The following GRID2 variants were observed in gnomAD, a reference collection of about 807,000 sequenced individuals.
GRID2 encodes glutamate ionotropic receptor delta type subunit 2.
In GRID2, 33 loss-of-function variants were observed where a neutral mutation model predicts 114.8. The ratio of observed to expected loss-of-function variants is 0.29; its 90% confidence interval spans 0.22 to 0.38. The LOEUF (loss-of-function observed/expected upper bound fraction) is 0.38, where lower values mean the gene tolerates loss of function less well. Among genes scored for constraint, GRID2 ranks in the 10% least tolerant of loss-of-function variants. The pLI is 1.00. For missense variants in GRID2, 1,184 were observed against 1,257.7 expected (o/e 0.94, Z 0.89); for synonymous variants, 505 against 449.9 (o/e 1.12, Z -1.55).
chr4:92,595,459 T>G (rs1728906345), intron 2 of GRID2, among the ~76,000 whole-genome samples: 1 of 152,040 alleles, frequency 6.6e-6, no homozygotes, highest in African/African-American at 2.4e-5. Context: ...AAAAAAGTTG[T>G]AGTTAATAGA....
intron 1 of GRID2, among the ~76,000 whole-genome samples, chr4:92,569,875 G>T (rs964244349): frequency 6.6e-6 from 1 of 152,014 alleles, no homozygotes; most frequent in African/African-American, 2.4e-5. Context: ...TGTCAAATGG[G>T]TAGATTGCAA....
chr4:93,113,008 A>G (rs1190910278), intron 4 of GRID2, among the ~76,000 whole-genome samples: 1 of 152,298 alleles, frequency 6.6e-6, no homozygotes, highest in South Asian at 2.1e-4. Flanking sequence ...TAGGAATTCA[A>G]CATATAAATT....
intron 2 of GRID2, among the ~76,000 whole-genome samples, chr4:92,958,689 G>T (rs920827015): frequency 6.6e-6 from 1 of 152,034 alleles, no homozygotes; most frequent in African/African-American, 2.4e-5. Context: ...TTCATAGAAT[G>T]AGTTAGAAAG....
chr4:93,776,133 G>A (rs1734364494), downstream of GRID2, among the ~76,000 whole-genome samples: 1 of 152,178 alleles, frequency 6.6e-6, no homozygotes, highest in Non-Finnish European at 1.5e-5. Context: ...AAATATAAAT[G>A]TGATGATGAC....
chr4:93,449,961 T>C (rs2149403704), intron 10 of GRID2, among the ~76,000 whole-genome samples: 1 of 152,120 alleles, frequency 6.6e-6, no homozygotes, highest in South Asian at 2.1e-4. Flanking sequence ...TTGCTTCAAT[T>C]GCATAAGACT....
intron 2 of GRID2, among the ~76,000 whole-genome samples, chr4:93,070,121 T>TA (rs147654224): frequency 0.024 from 3,608 of 152,218 alleles, 144 homozygotes; most frequent in African/African-American, 0.082. Context: ...ACAGTCCTTT[T>TA]AAACTTGCAC....
chr4:93,718,783 T>C (rs1450399513), intron 14 of GRID2, among the ~76,000 whole-genome samples: 6 of 152,118 alleles, frequency 3.9e-5, no homozygotes, highest in Admixed American at 3.9e-4. Flanking sequence ...AGTCAAGACA[T>C]TTGAGTTCCG....
At chr4:93,602,649 G>T (rs891152222) in intron 13 of GRID2, among the ~76,000 whole-genome samples, 3 of 152,126 alleles carry the variant, frequency 2.0e-5, no homozygotes, top group African/African-American at 4.8e-5. Context: ...CTGCTTCACC[G>T]ACTGACAGTT....
At chr4:92,987,888 A>G (rs1439002233) in intron 2 of GRID2, among the ~76,000 whole-genome samples, 4 of 152,186 alleles carry the variant, frequency 2.6e-5, no homozygotes, top group Non-Finnish European at 4.4e-5. Flanking sequence ...ATATCTGCTA[A>G]TATCACATAG....
intron 2 of GRID2, among the ~76,000 whole-genome samples, chr4:93,076,120 C>A (rs1729270082): frequency 6.6e-6 from 1 of 151,988 alleles, no homozygotes; most frequent in East Asian, 1.9e-4. Context: ...CCAGGATGGT[C>A]TCGATCTGAC....
At position 93,569,269 on chromosome 4, in the gene GRID2, C is replaced by G. The variant is rs577012104; in HGVS notation, c.2193+53858C>G. The stretch of plus-strand genomic sequence containing the variant: ...CCTTTCATTACTCCCACCACAGTTT[C>G]CTGTGGGAACACTTACTCAATAAAT... On this transcript the variant is annotated intron_variant, in intron 13 of 15. Transcript: ENST00000282020. Among the ~76,000 whole-genome samples the G allele has an allele frequency of 6.6e-5, 10 of 152,278 alleles. 1 individual carries two copies. The South Asian group carries it at 2.1e-3, about 32-fold the overall frequency.
intron 13 of GRID2, among the ~76,000 whole-genome samples, chr4:93,622,340 G>A (rs369560412): frequency 1.6e-4 from 25 of 152,180 alleles, no homozygotes; most frequent in African/African-American, 4.3e-4. Context: ...ATATAAAATT[G>A]TTTCCGATGA....
intron 11 of GRID2, among the ~76,000 whole-genome samples, chr4:93,468,677 G>C (rs1560651825): frequency 6.6e-6 from 1 of 152,060 alleles, no homozygotes; most frequent in Non-Finnish European, 1.5e-5. Context: ...GTTCAGATGA[G>C]ATTGACCTTT....
At position 92,939,031 on chromosome 4, in the gene GRID2, G is replaced by T. The variant is rs1035734324; in HGVS notation, c.245-145964G>T. On this transcript the variant is annotated intron_variant, in intron 2 of 15. Transcript: ENST00000282020. ...ATAGTGCCGCAATAAACATACATGT[G>T]TGGGTGTCTTTATAGCAGCATGATT... Among the ~76,000 whole-genome samples the T allele has an allele frequency of 5.4e-5, 8 of 147,174 alleles. 1 individual carries two copies. The highest frequency in any genetic ancestry group is 9.0e-5 in the Non-Finnish European group (6 of 66,504).
Position 93,453,355 on chromosome 4 carries a change from AGAGAGT to A in GRID2, c.1546-2305_1546-2300del, listed in dbSNP as rs1424799228. On this transcript the variant is annotated intron_variant, in intron 10 of 15. Coordinates refer to ENST00000282020, the MANE Select transcript of GRID2 (RefSeq NM_001510.4). ...GAGAGAGAGAGAGAGAGAGAGAGAG[AGAGAGT>A]GTGTGTATTTGTTAGAAAAAGTTCA... 2.3e-4 allele frequency among the ~76,000 whole-genome samples: 26 copies of A among 112,122 alleles called. 1 individual carries two copies. The South Asian group carries it at 2.8e-3, about 12-fold the overall frequency. 73.6% of individuals were successfully genotyped at this position (112,122 alleles called of 152,430 possible). A position where few individuals can be genotyped will look rare whatever the true frequency, so the allele number is the denominator to read the frequency against.
At chr4:92,943,547 G>A (rs979405391) in intron 2 of GRID2, among the ~76,000 whole-genome samples, 1 of 151,998 alleles carries the variant, frequency 6.6e-6, no homozygotes, top group Middle Eastern at 3.2e-3. Flanking sequence ...GCTCGGAGTA[G>A]TTTGATCGTC....
chr4:92,901,194 A>C (rs1325629984), intron 2 of GRID2, among the ~76,000 whole-genome samples: 1 of 152,156 alleles, frequency 6.6e-6, no homozygotes, highest in East Asian at 1.9e-4. Flanking sequence ...TTCACACCAA[A>C]TGTGTATAAG....
At chr4:92,878,740 G>C (rs1220372354) in intron 2 of GRID2, among the ~76,000 whole-genome samples, 2 of 152,038 alleles carry the variant, frequency 1.3e-5, no homozygotes, top group South Asian at 2.1e-4. Flanking sequence ...TATAGTGATA[G>C]AAATAATATT....
At chr4:92,660,525 A>G (rs973745973) in intron 2 of GRID2, among the ~76,000 whole-genome samples, 25 of 151,242 alleles carry the variant, frequency 1.7e-4, no homozygotes, top group African/African-American at 6.1e-4. Context: ...CCAAGCGATT[A>G]GCAAAATTCG....
Sources: gnomAD v4.1 joint callset for allele counts (sites outside exome capture counted in the v4.1 genomes callset) on GRCh38, gnomAD v4.1.1 for gene constraint, MANE v1.5 for transcripts, NCBI Gene and HGNC (gene_info 2026-07-23, HGNC 2026-07-21) for gene names.